The following COL25A1 variants were observed in gnomAD, a reference collection of about 807,000 sequenced individuals.
COL25A1 encodes the protein collagen alpha-1(XXV) chain.
Under a neutral mutation model 128.4 loss-of-function variants are expected in COL25A1, and 103 were observed. The observed-to-expected ratio is 0.80, with a 90% CI of 0.68 to 0.94. The LOEUF is 0.94. Among genes scored for constraint, COL25A1 ranks in the 40% least tolerant of loss-of-function variants. The pLI is 0.00. For missense variants in COL25A1, 745 were observed against 840.0 expected, an observed-to-expected ratio of 0.89 and a Z score of 1.40; for synonymous variants, 279 against 277.2, an observed-to-expected ratio of 1.01 and a Z score of -0.06.
At chr4:108,931,468 CAG>C (rs1298819754) in intron 11 of COL25A1, among the ~76,000 whole-genome samples, 1 of 152,300 alleles carries the variant, frequency 6.6e-6, no homozygotes, top group South Asian at 2.1e-4. Context: ...GGAATACAGA[CAG>C]AGTCATCTAC....
intron 3 of COL25A1, among the ~76,000 whole-genome samples, chr4:109,122,609 A>C (rs975600487): frequency 6.6e-6 from 1 of 152,092 alleles, no homozygotes; most frequent in Non-Finnish European, 1.5e-5. Context: ...GTAACATGTA[A>C]GTTATACCTT....
chr4:109,017,178 C>T (rs1757301356), intron 5 of COL25A1, among the ~76,000 whole-genome samples: 1 of 152,208 alleles, frequency 6.6e-6, no homozygotes, highest in Admixed American at 6.5e-5. Flanking sequence ...CACAGGTTTG[C>T]ACAGAGCCGG....
intron 20 of COL25A1, 91 bp from the exon 21 acceptor site, chr4:108,863,478 A>G: frequency 9.9e-7 from 1 of 1,011,438 alleles, no homozygotes; most frequent in Non-Finnish European, 1.5e-6. Context: ...AAACCAAAGA[A>G]AGCAGAGAGT....
chr4:108,840,557 C>T (rs1393629803), intron 31 of COL25A1, among the ~76,000 whole-genome samples: 2 of 152,170 alleles, frequency 1.3e-5, no homozygotes, highest in Non-Finnish European at 2.9e-5. Flanking sequence ...CCTGCCACCA[C>T]TCCTAGAGCT....
In COL25A1 at chr4:109,019,373, C is replaced by CATATATATATATATATATATATATAT. The variant is rs1271683280; in HGVS notation, c.421-8999_421-8998insATATATATATATATATATATATATAT. Among the ~76,000 whole-genome samples, 93 of 31,778 alleles carry CATATATATATATATATATATATATAT rather than the reference C, an allele frequency of 2.9e-3. 1 individual carries two copies. The highest frequency in any genetic ancestry group is 3.4e-3 in the African/African-American group (11 of 3,230). The allele number at this position is 31,778 out of a possible 152,430, so 20.8% of individuals were successfully genotyped here. ...ATACACACACACACACACACACACACACATATATATATATATATATATATA... is the reference window on the plus strand; with the variant it reads ...ATACACACACACACACACACACACACATATATATATATATATATATATATATACATATATATATATATATATATATA... On this transcript the variant is annotated intron_variant, in intron 5 of 37. Transcript: ENST00000399132.
intron 8 of COL25A1, among the ~76,000 whole-genome samples, chr4:108,964,030 T>A (rs1052220505): frequency 1.3e-5 from 2 of 150,710 alleles, no homozygotes; most frequent in African/African-American, 4.9e-5. Flanking sequence ...TATTTACATA[T>A]CATATGTAAA....
At chr4:109,125,629 C>T (rs575865932) in intron 3 of COL25A1, among the ~76,000 whole-genome samples, 1 of 152,268 alleles carries the variant, frequency 6.6e-6, no homozygotes, top group South Asian at 2.1e-4. Context: ...GAAGAACTAG[C>T]AGTTGATGGA....
At chr4:109,167,639 C>T (rs562901041) in intron 3 of COL25A1, among the ~76,000 whole-genome samples, 2 of 152,272 alleles carry the variant, frequency 1.3e-5, no homozygotes, top group Middle Eastern at 6.8e-3. Flanking sequence ...CACTTTCCCT[C>T]CCTACTTCTC....
intron 3 of COL25A1, among the ~76,000 whole-genome samples, chr4:109,271,628 G>C (rs1578603925): frequency 1.3e-5 from 2 of 152,300 alleles, no homozygotes; most frequent in Middle Eastern, 6.8e-3. Flanking sequence ...TTGAGTGTCA[G>C]TCACCTGCTA....
At chr4:109,032,305 A>G (rs540631660) in intron 5 of COL25A1, among the ~76,000 whole-genome samples, 3 of 152,334 alleles carry the variant, frequency 2.0e-5, no homozygotes, top group African/African-American at 7.2e-5. Flanking sequence ...CTGACTCTTT[A>G]AAAATTCATT....
chr4:109,104,664 A>T (rs1766239936), intron 3 of COL25A1, among the ~76,000 whole-genome samples: 1 of 152,154 alleles, frequency 6.6e-6, no homozygotes, highest in Admixed American at 6.5e-5. Flanking sequence ...GGAATGTAAC[A>T]ACAAAATCTG....
intron 19 of COL25A1, among the ~76,000 whole-genome samples, chr4:108,879,430 G>A (rs966929826): frequency 2.0e-5 from 3 of 151,852 alleles, no homozygotes; most frequent in Non-Finnish European, 4.4e-5. Context: ...GAAATAAACT[G>A]ATGGTATATG....
intron 5 of COL25A1, among the ~76,000 whole-genome samples, chr4:109,036,014 G>T (rs1021521851): frequency 6.6e-6 from 1 of 151,758 alleles, no homozygotes; most frequent in Non-Finnish European, 1.5e-5. Flanking sequence ...TGCAAGCTAC[G>T]CCTCCCAGGT....
intron 3 of COL25A1, among the ~76,000 whole-genome samples, chr4:109,140,658 A>C (rs1770311716): frequency 6.6e-6 from 1 of 152,186 alleles, no homozygotes; most frequent in Middle Eastern, 3.4e-3. Context: ...CATCCCTTGT[A>C]AGTTGGATTC....
At chr4:109,083,533 AC>A (rs1764065603) in intron 3 of COL25A1, among the ~76,000 whole-genome samples, 1 of 125,786 alleles carries the variant, frequency 8.0e-6, no homozygotes, top group Admixed American at 1.1e-4. Context: ...CGCGATCTCG[AC>A]TCACTGCAAG....
At chr4:108,852,099 TC>T in intron 26 of COL25A1, 136 bp downstream of exon 26, 1 of 622,156 alleles carries the variant, frequency 1.6e-6, no homozygotes, top group Non-Finnish European at 2.7e-6. Flanking sequence ...CAATTTCTTT[TC>T]TTCGCTCTCT....
intron 31 of COL25A1, among the ~76,000 whole-genome samples, chr4:108,839,141 T>C (rs1022119843): frequency 1.3e-5 from 2 of 152,102 alleles, no homozygotes; most frequent in African/African-American, 4.8e-5. Flanking sequence ...TTTACTCAAC[T>C]TGCTTGATGA....
At chr4:108,975,990 C>T (rs1752395793) in intron 6 of COL25A1, among the ~76,000 whole-genome samples, 1 of 152,096 alleles carries the variant, frequency 6.6e-6, no homozygotes, top group Non-Finnish European at 1.5e-5. Flanking sequence ...TGTTTTCCCA[C>T]TTTGTTTACT....
chr4:109,181,896 T>C (rs1266608904), intron 3 of COL25A1, among the ~76,000 whole-genome samples: 1 of 152,108 alleles, frequency 6.6e-6, no homozygotes, highest in Non-Finnish European at 1.5e-5. Flanking sequence ...TCCTACTCTC[T>C]GTTTCTATGA....
Sources: gnomAD v4.1 joint callset for allele counts (sites outside exome capture counted in the v4.1 genomes callset) on GRCh38, gnomAD v4.1.1 for gene constraint, MANE v1.5 for transcripts, NCBI Gene and HGNC (gene_info 2026-07-23, HGNC 2026-07-21) for gene names.